Variants in PTPRD observed in about 807,000 individuals in gnomAD.
PTPRD encodes the protein protein tyrosine phosphatase receptor type D.
PTPRD carries 34 observed loss-of-function variants against 214.5 expected under a neutral mutation model. The observed-to-expected ratio is 0.16, with a 90% CI of 0.12 to 0.21. PTPRD has a LOEUF of 0.21. Among genes scored for constraint, PTPRD ranks in the 10% least tolerant of loss-of-function variants. The probability of loss-of-function intolerance (pLI) is 1.00; values close to 1 mark genes in which losing one functional copy is unlikely to be tolerated. For synonymous variants in PTPRD, 1,128 were observed against 845.7 expected, an observed-to-expected ratio of 1.33 and a Z score of -5.79; for missense variants, 2,545 against 2,398.7, an observed-to-expected ratio of 1.06 and a Z score of -1.27.
intron 9 of PTPRD, among the ~76,000 whole-genome samples, chr9:9,259,508 G>A (rs1260973458): frequency 6.6e-6 from 1 of 151,836 alleles, no homozygotes; most frequent in African/African-American, 2.4e-5. Flanking sequence ...AAAGCACTTG[G>A]AACACACATT....
At chr9:9,253,358 G>A (rs138599304) in intron 9 of PTPRD, among the ~76,000 whole-genome samples, 5 of 151,908 alleles carry the variant, frequency 3.3e-5, no homozygotes, top group African/African-American at 7.2e-5. Flanking sequence ...AGTTGCTGGC[G>A]TCGAGTCTAG....
chr9:9,845,963 C>T (rs1480820097), intron 5 of PTPRD, among the ~76,000 whole-genome samples: 2 of 152,020 alleles, frequency 1.3e-5, no homozygotes, highest in Non-Finnish European at 2.9e-5. Flanking sequence ...CAGTTTGATG[C>T]TCTTCATTAC....
At chr9:10,473,149 C>T (rs116763339) in intron 2 of PTPRD, among the ~76,000 whole-genome samples, 28 of 149,668 alleles carry the variant, frequency 1.9e-4, no homozygotes, top group African/African-American at 6.9e-4. Flanking sequence ...TCTTGTGATC[C>T]GACACATGTG....
chr9:9,112,945 G>A (rs1034866833), intron 10 of PTPRD, among the ~76,000 whole-genome samples: 2 of 151,330 alleles, frequency 1.3e-5, no homozygotes, highest in Middle Eastern at 3.2e-3. Context: ...CAAACTTTTA[G>A]AAATCTGAGC....
intron 35 of PTPRD, among the ~76,000 whole-genome samples, chr9:8,428,409 C>A (rs1279667710): frequency 6.6e-6 from 1 of 152,156 alleles, no homozygotes; most frequent in Non-Finnish European, 1.5e-5. Context: ...TTCACAAAAT[C>A]GCTCATTTTT....
chr9:10,359,864 C>T (rs546930004), intron 2 of PTPRD, among the ~76,000 whole-genome samples: 1 of 152,074 alleles, frequency 6.6e-6, no homozygotes, highest in Non-Finnish European at 1.5e-5. Context: ...GTAATTATAA[C>T]CCCCATAGAA....
intron 5 of PTPRD, among the ~76,000 whole-genome samples, chr9:9,790,763 A>G (rs1177144243): frequency 6.6e-6 from 1 of 152,210 alleles, no homozygotes; most frequent in Non-Finnish European, 1.5e-5. Context: ...AAAATTGTCT[A>G]ATGAATCTCT....
At chr9:9,920,013 C>G (rs933945020) in intron 5 of PTPRD, among the ~76,000 whole-genome samples, 1 of 151,974 alleles carries the variant, frequency 6.6e-6, no homozygotes, top group Non-Finnish European at 1.5e-5. Context: ...AATCAAAGAT[C>G]TTTTCTTGAG....
chr9:8,354,110 A>C (rs1173526097), intron 39 of PTPRD, among the ~76,000 whole-genome samples: 1 of 151,416 alleles, frequency 6.6e-6, no homozygotes, highest in East Asian at 1.9e-4. Flanking sequence ...ATAAATTGAA[A>C]TTTTTAATAC....
intron 39 of PTPRD, among the ~76,000 whole-genome samples, chr9:8,362,902 T>A (rs2078864810): frequency 6.6e-6 from 1 of 152,188 alleles, no homozygotes; most frequent in Non-Finnish European, 1.5e-5. Flanking sequence ...GCTAAGTATG[T>A]AGTGAAAGTC....
chr9:9,080,911 G>C (rs7873349), intron 10 of PTPRD, among the ~76,000 whole-genome samples: 4,735 of 151,800 alleles, frequency 0.031, 159 homozygotes, highest in African/African-American at 0.082. Context: ...CATCTGGCTA[G>C]CGGTCTATTT....
chr9:9,507,726 A>G (rs1007225426), intron 8 of PTPRD, among the ~76,000 whole-genome samples: 1 of 151,434 alleles, frequency 6.6e-6, no homozygotes, highest in African/African-American at 2.4e-5. Context: ...GTTATAATGT[A>G]AATAACTCTA....
chr9:9,898,549 G>T (rs541019834), intron 5 of PTPRD, among the ~76,000 whole-genome samples: 4 of 152,076 alleles, frequency 2.6e-5, no homozygotes, highest in Admixed American at 1.3e-4. Flanking sequence ...CTCTAGATGC[G>T]CATGCTATTT....
At chr9:10,032,041 A>C (rs1203199055) in intron 4 of PTPRD, among the ~76,000 whole-genome samples, 1 of 152,102 alleles carries the variant, frequency 6.6e-6, no homozygotes, top group Non-Finnish European at 1.5e-5. Context: ...CTACCTGCCT[A>C]GTTTTGGAGT....
chr9:8,550,749 G>C (rs1227193691), intron 14 of PTPRD, among the ~76,000 whole-genome samples: 1 of 152,108 alleles, frequency 6.6e-6, no homozygotes, highest in Non-Finnish European at 1.5e-5. Flanking sequence ...AGATCCATTG[G>C]CCCTATAGTC....
intron 4 of PTPRD, among the ~76,000 whole-genome samples, chr9:9,971,039 C>G (rs1276530412): frequency 6.6e-6 from 1 of 152,024 alleles, no homozygotes; most frequent in Non-Finnish European, 1.5e-5. Flanking sequence ...ATCTGAAATT[C>G]TTAAGTAACA....
chr9:9,806,722 G>C (rs1423676547), intron 5 of PTPRD, among the ~76,000 whole-genome samples: 1 of 152,164 alleles, frequency 6.6e-6, no homozygotes, highest in Non-Finnish European at 1.5e-5. Context: ...ATGCCTAACA[G>C]TGATCAGCAG....
intron 8 of PTPRD, among the ~76,000 whole-genome samples, chr9:9,420,945 TG>T (rs1173512425): frequency 1.3e-5 from 2 of 151,996 alleles, no homozygotes; most frequent in African/African-American, 4.8e-5. Flanking sequence ...ATAATTTTTG[TG>T]ATATCTCTTC....
At chr9:9,637,773 TC>T (rs1331549566) in intron 7 of PTPRD, among the ~76,000 whole-genome samples, 1 of 152,140 alleles carries the variant, frequency 6.6e-6, no homozygotes, top group Non-Finnish European at 1.5e-5. Context: ...GTAGCCCAGA[TC>T]CCACAGTTCT....
Sources: gnomAD v4.1 joint callset for allele counts (sites outside exome capture counted in the v4.1 genomes callset) on GRCh38, gnomAD v4.1.1 for gene constraint, MANE v1.5 for transcripts, NCBI Gene and HGNC (gene_info 2026-07-23, HGNC 2026-07-21) for gene names.